The following SGCD variants were observed in gnomAD, a reference collection of about 807,000 sequenced individuals.
The protein encoded by SGCD is sarcoglycan delta, also known as delta-sarcoglycan.
Under a neutral mutation model 36.6 loss-of-function variants are expected in SGCD, and 18 were observed. The ratio of observed to expected loss-of-function variants is 0.49; its 90% CI spans 0.34 to 0.73. The LOEUF is 0.73. Among genes scored for constraint, SGCD ranks in the 30% least tolerant of loss-of-function variants. The probability of loss-of-function intolerance (pLI) is 0.01; values close to 1 mark genes in which losing one functional copy is unlikely to be tolerated. For synonymous variants in SGCD, 133 were observed against 130.6 expected, an observed-to-expected ratio of 1.02 and a Z score of -0.12; for missense variants, 387 against 346.7, an observed-to-expected ratio of 1.12 and a Z score of -0.92.
At chr5:156,750,797 A>AGATATCTATATTTCAGGAAAATAG (rs2113142164) in intron 7 of SGCD, among the ~76,000 whole-genome samples, 1 of 152,382 alleles carries the variant, frequency 6.6e-6, no homozygotes, top group East Asian at 1.9e-4. Flanking sequence ...AAAGTCAATT[A>AGATATCTATATTTCAGGAAAATAG]GATATCTATA....
rs566112509 is a variant in SGCD, at chr5:156,227,587, C to CT, written c.-43-101938dup. On this transcript the variant is annotated intron_variant, in intron 3 of 9. Coordinates refer to the SGCD transcript ENST00000517913. ...TAGTCTTGCTTTGGCTATGTGGGCT[C>CT]TTTTTTTTTGGTTCCATATGAATTT... is the stretch of plus-strand genomic sequence containing the variant. Among the ~76,000 whole-genome samples, 10 of 150,484 alleles carry CT rather than the reference C, an allele frequency of 6.6e-5. 1 individual carries two copies. Among genetic ancestry groups the CT allele is most frequent in the East Asian group, 5.9e-4 (3 of 5,112 alleles).
chr5:156,622,079 T>C (rs954784208), intron 6 of SGCD, among the ~76,000 whole-genome samples: 2 of 152,176 alleles, frequency 1.3e-5, no homozygotes, highest in Non-Finnish European at 2.9e-5. Flanking sequence ...CATACACAAT[T>C]TACCCAGGTA....
chr5:155,958,315 T>C (rs1289143522), intron 1 of SGCD, among the ~76,000 whole-genome samples: 1 of 152,118 alleles, frequency 6.6e-6, no homozygotes, highest in Non-Finnish European at 1.5e-5. Flanking sequence ...AGAGCAAGAC[T>C]AGGAGGTGGA....
At chr5:156,664,948 T>C (rs1191757167) in intron 7 of SGCD, among the ~76,000 whole-genome samples, 1 of 148,590 alleles carries the variant, frequency 6.7e-6, no homozygotes, top group Non-Finnish European at 1.5e-5. Flanking sequence ...TGCCTCAGTA[T>C]CTCCTTCCTT....
chr5:156,016,659 GT>G (rs1203139963), intron 1 of SGCD, among the ~76,000 whole-genome samples: 1 of 152,062 alleles, frequency 6.6e-6, no homozygotes, highest in Non-Finnish European at 1.5e-5. Context: ...TGTATGTACT[GT>G]CTTGTAATTT....
At chr5:156,087,186 C>T (rs1182091742) in intron 1 of SGCD, among the ~76,000 whole-genome samples, 1 of 152,144 alleles carries the variant, frequency 6.6e-6, no homozygotes, top group African/African-American at 2.4e-5. Flanking sequence ...AATCAGAGTG[C>T]AAATCATTGA....
chr5:156,399,613 T>A (rs1440601065), intron 3 of SGCD, among the ~76,000 whole-genome samples: 1 of 152,158 alleles, frequency 6.6e-6, no homozygotes, highest in Non-Finnish European at 1.5e-5. Flanking sequence ...TTAGTTCCCT[T>A]AGTTAAGACA....
At chr5:155,920,686 C>T (rs1166104013) in intron 1 of SGCD, among the ~76,000 whole-genome samples, 1 of 152,098 alleles carries the variant, frequency 6.6e-6, no homozygotes, top group African/African-American at 2.4e-5. Context: ...TTTATATTTC[C>T]ATATGAACCA....
intron 3 of SGCD, among the ~76,000 whole-genome samples, chr5:156,233,701 T>A (rs1765079489): frequency 6.6e-6 from 1 of 152,146 alleles, no homozygotes; most frequent in Non-Finnish European, 1.5e-5. Context: ...AAAAGGAGCT[T>A]AAAAGTAAAT....
At chr5:155,910,120 T>C (rs1756600587) in intron 1 of SGCD, among the ~76,000 whole-genome samples, 1 of 152,084 alleles carries the variant, frequency 6.6e-6, no homozygotes, top group Admixed American at 6.6e-5. Context: ...AGGTGCATAG[T>C]TGGGTGAGGA....
chr5:156,501,171 C>T (rs998489734), intron 3 of SGCD, among the ~76,000 whole-genome samples: 1 of 152,192 alleles, frequency 6.6e-6, no homozygotes, highest in Admixed American at 6.5e-5. Context: ...GATCTTTTGT[C>T]TACTGCCCCC....
At chr5:156,289,653 A>G (rs958654643) in intron 3 of SGCD, among the ~76,000 whole-genome samples, 1 of 151,562 alleles carries the variant, frequency 6.6e-6, no homozygotes, top group Non-Finnish European at 1.5e-5. Flanking sequence ...CTGCTGTACC[A>G]CACTTGAGCA....
At chr5:155,924,735 C>G (rs1756961171) in intron 1 of SGCD, among the ~76,000 whole-genome samples, 1 of 151,948 alleles carries the variant, frequency 6.6e-6, no homozygotes, top group Admixed American at 6.6e-5. Flanking sequence ...ATTGGGGTCT[C>G]CAGATTTTAT....
At chr5:155,883,793 C>CAAAAAAAAAAAAAAAAA (rs34250962) in intron 1 of SGCD, among the ~76,000 whole-genome samples, 3 of 83,524 alleles carry the variant, frequency 3.6e-5, no homozygotes, top group African/African-American at 4.9e-5. Context: ...CTTCAATTTG[C>CAAAAAAAAAAAAAAAAA]AAAAAAAAAA....
chr5:156,138,543 C>T (rs1183396215), intron 3 of SGCD, among the ~76,000 whole-genome samples: 1 of 152,226 alleles, frequency 6.6e-6, no homozygotes, highest in African/African-American at 2.4e-5. Flanking sequence ...TTCCATTTTA[C>T]TTCTCACCAG....
chr5:156,393,776 T>C (rs1397113642), intron 3 of SGCD: 1 of 456,176 alleles, frequency 2.2e-6, no homozygotes, highest in African/African-American at 2.0e-5. Context: ...TTCTGAGATT[T>C]AACTGGCTAT....
intron 3 of SGCD, among the ~76,000 whole-genome samples, chr5:156,368,634 A>C (rs961631184): frequency 6.6e-6 from 1 of 151,742 alleles, no homozygotes; most frequent in Non-Finnish European, 1.5e-5. Flanking sequence ...GCCACTCTCC[A>C]TCACTTGCAT....
chr5:156,151,611 G>A (rs1257815309), intron 3 of SGCD, among the ~76,000 whole-genome samples: 1 of 151,288 alleles, frequency 6.6e-6, no homozygotes, highest in African/African-American at 2.5e-5. Flanking sequence ...AGAGTAAAAG[G>A]ACATCAACTT....
chr5:155,849,888 T>C, the SGCD span, among the ~76,000 whole-genome samples: 1 of 152,228 alleles, frequency 6.6e-6, no homozygotes, highest in African/African-American at 2.4e-5. Flanking sequence ...GAAAATGACC[T>C]TGAATGAGTC....
Sources: allele counts gnomAD v4.1 joint callset (sites outside exome capture counted in the v4.1 genomes callset), GRCh38; gene constraint gnomAD v4.1.1; transcripts MANE v1.5; gene names NCBI Gene and HGNC (gene_info 2026-07-23, HGNC 2026-07-21).